Variants in SCHIP1 observed in about 807,000 individuals in gnomAD.
SCHIP1 encodes the protein schwannomin-interacting protein 1.
SCHIP1 carries 8 observed loss-of-function variants against 29.7 expected under a neutral mutation model. The observed-to-expected ratio is 0.27, with a 90% confidence interval of 0.16 to 0.49. The LOEUF is 0.49. SCHIP1 is among the 20% of genes least tolerant of loss of function. The probability of loss-of-function intolerance (pLI) is 0.99; values close to 1 mark genes in which losing one functional copy is unlikely to be tolerated. For synonymous variants in SCHIP1, 76 were observed against 94.9 expected (o/e 0.80, Z 1.16); for missense variants, 193 against 294.6 (o/e 0.66, Z 2.52).
chr3:159,501,524 T>A, the SCHIP1 span, among the ~76,000 whole-genome samples: 1 of 152,214 alleles, frequency 6.6e-6, no homozygotes, highest in Non-Finnish European at 1.5e-5. Context: ...GGCACAAAAC[T>A]ATGGCCTTCC....
chr3:159,761,528 T>C, the SCHIP1 span, among the ~76,000 whole-genome samples: 6 of 152,184 alleles, frequency 3.9e-5, no homozygotes, highest in Admixed American at 3.3e-4. Flanking sequence ...GCTGGACATA[T>C]CTGCAGGCTG....
At chr3:159,501,515 G>A in the SCHIP1 span, among the ~76,000 whole-genome samples, 1 of 152,154 alleles carries the variant, frequency 6.6e-6, no homozygotes, top group Non-Finnish European at 1.5e-5. Flanking sequence ...TAAAAATATG[G>A]CACAAAACTA....
chr3:159,861,634 C>A lies in SCHIP1; in HGVS notation c.31-4529C>A, dbSNP rs1329780427. Among the ~76,000 whole-genome samples, 1 of 152,164 alleles carries A rather than the reference C, an allele frequency of 6.6e-6. No individual in the cohort carries two copies. The highest frequency in any genetic ancestry group is 2.4e-5 in the African/African-American group (1 of 41,432). ...GGCTGAATAGCGGTGAGTTTCTAAT[C>A]ACATTTTTACTTTCATCTGGGGCTT... On this transcript the variant is annotated intron_variant, in intron 1 of 6. Coordinates refer to ENST00000445224, the Ensembl canonical transcript of SCHIP1. The surrounding 1 kb of genome is among the most constrained non-coding windows in gnomAD (Gnocchi z 4.1).
chr3:159,896,365 CTTGCTCACCATCA>C (rs1223676159), intron 6 of SCHIP1, among the ~76,000 whole-genome samples: 3 of 152,178 alleles, frequency 2.0e-5, no homozygotes, highest in Admixed American at 1.3e-4. Flanking sequence ...ACCTCACTGT[CTTGCTCACCATCA>C]AATACCCATG....
At chr3:159,651,126 C>A in the SCHIP1 span, among the ~76,000 whole-genome samples, 1 of 152,088 alleles carries the variant, frequency 6.6e-6, no homozygotes, top group African/African-American at 2.4e-5. Flanking sequence ...GTGTTATTTG[C>A]TATCATTTTA....
chr3:159,407,338 A>G, the SCHIP1 span, among the ~76,000 whole-genome samples: 2 of 152,208 alleles, frequency 1.3e-5, no homozygotes, highest in South Asian at 2.1e-4. Flanking sequence ...AAGAGGATAT[A>G]TCAATTTTAA....
the SCHIP1 span, among the ~76,000 whole-genome samples, chr3:159,396,726 C>T: frequency 3.4e-3 from 517 of 151,982 alleles, 2 homozygotes; most frequent in Non-Finnish European, 5.6e-3. Flanking sequence ...GAGGGTAACC[C>T]GACCTTTCTC....
At chr3:159,598,788 CAG>C in the SCHIP1 span, among the ~76,000 whole-genome samples, 1 of 152,130 alleles carries the variant, frequency 6.6e-6, no homozygotes, top group Non-Finnish European at 1.5e-5. Flanking sequence ...ACAGCAGATT[CAG>C]AGAGACTCCA....
At chr3:159,275,655 T>A in the SCHIP1 span, among the ~76,000 whole-genome samples, 1 of 152,168 alleles carries the variant, frequency 6.6e-6, no homozygotes, top group Non-Finnish European at 1.5e-5. Context: ...TTTCTGTAGT[T>A]GAGATATTGT....
chr3:159,857,124 G>T (rs1187927702), intron 1 of SCHIP1, among the ~76,000 whole-genome samples: 1 of 152,186 alleles, frequency 6.6e-6, no homozygotes, highest in African/African-American at 2.4e-5. Flanking sequence ...GTCGGTCTTA[G>T]ATGTTATAAA....
the SCHIP1 span, among the ~76,000 whole-genome samples, chr3:159,439,507 T>C: frequency 1.3e-5 from 2 of 152,174 alleles, no homozygotes; most frequent in Non-Finnish European, 2.9e-5. Context: ...AGATGGTCTC[T>C]TCCTTGACAC....
the SCHIP1 span, among the ~76,000 whole-genome samples, chr3:159,521,066 C>T: frequency 3.3e-5 from 5 of 152,296 alleles, no homozygotes; most frequent in East Asian, 9.6e-4. Context: ...ATATTGCCAA[C>T]TTGCTTTCTG....
the SCHIP1 span, among the ~76,000 whole-genome samples, chr3:159,732,383 C>T: frequency 6.6e-6 from 1 of 152,170 alleles, no homozygotes; most frequent in Admixed American, 6.5e-5. Context: ...GCGGGCAGCC[C>T]CATCCTGTGT....
chr3:159,682,502 A>G, the SCHIP1 span, among the ~76,000 whole-genome samples: 1 of 152,216 alleles, frequency 6.6e-6, no homozygotes, highest in Admixed American at 6.5e-5. Context: ...AAGAGCTTAA[A>G]TGAGTAGATG....
At chr3:159,668,178 G>A in the SCHIP1 span, among the ~76,000 whole-genome samples, 5 of 152,088 alleles carry the variant, frequency 3.3e-5, no homozygotes. Flanking sequence ...GACCATCCTG[G>A]CTAACACGGT....
At chr3:159,580,749 A>C in the SCHIP1 span, among the ~76,000 whole-genome samples, 1 of 152,288 alleles carries the variant, frequency 6.6e-6, no homozygotes, top group Middle Eastern at 3.4e-3. Flanking sequence ...CTGAGATACA[A>C]GTTGTAAGTG....
the SCHIP1 span, among the ~76,000 whole-genome samples, chr3:159,510,701 C>T: frequency 6.6e-6 from 1 of 152,260 alleles, no homozygotes; most frequent in African/African-American, 2.4e-5. Context: ...GGACCCTCAG[C>T]TGCAGGTCTG....
chr3:159,599,609 C>A, the SCHIP1 span, among the ~76,000 whole-genome samples: 1 of 152,178 alleles, frequency 6.6e-6, no homozygotes, highest in Non-Finnish European at 1.5e-5. Context: ...GAGAAGTATT[C>A]CATGCTATGT....
At chr3:159,605,904 C>T in the SCHIP1 span, among the ~76,000 whole-genome samples, 1 of 152,064 alleles carries the variant, frequency 6.6e-6, no homozygotes, top group East Asian at 1.9e-4. Flanking sequence ...AAGAGTAATT[C>T]CACCCCACGT....
Sources: gnomAD v4.1 joint callset for allele counts (sites outside exome capture counted in the v4.1 genomes callset) on GRCh38, gnomAD v4.1.1 for gene constraint, Gnocchi (gnomAD v3.1) non-coding constraint, MANE v1.5 for transcripts, NCBI Gene and HGNC (gene_info 2026-07-23, HGNC 2026-07-21) for gene names.